Variants in ATP10A observed in about 807,000 individuals in gnomAD.
ATP10A encodes ATPase phospholipid transporting 10A (putative), also known as phospholipid-transporting ATPase VA.
In ATP10A, 111 loss-of-function variants were observed where a neutral mutation model predicts 147.8. The observed-to-expected ratio is 0.75, with a 90% confidence interval of 0.64 to 0.88. ATP10A has a LOEUF of 0.88. Ranked by LOEUF, ATP10A falls within the 40% of genes least tolerant of loss-of-function variation. The pLI is 0.00. For synonymous variants in ATP10A, 875 were observed against 841.6 expected (o/e 1.04, Z -0.69); for missense variants, 1,927 against 1,959.0 (o/e 0.98, Z 0.31).
chr15:25,713,693 G>T lies in ATP10A; in HGVS notation c.2325C>A (p.Leu775=), dbSNP rs182835862. 11 of 1,613,904 alleles carry T rather than the reference G, an allele frequency of 6.8e-6. No individual in the cohort carries two copies. In the South Asian group the frequency reaches 1.2e-4, roughly 18 times the overall value. Residue 775 remains leucine (L), a synonymous_variant, in exon 10 of 21, where the codon CTC becomes CTA. Coordinates refer to ENST00000555815, the MANE Select transcript of ATP10A (RefSeq NM_024490.4). Reference sequence around the variant, plus strand: ...GAGTACCTGAAGAGCAGGGCTGCAGGAGATCCATGACCACTGAGTCGGCCC... The same window carrying T: ...GAGTACCTGAAGAGCAGGGCTGCAGTAGATCCATGACCACTGAGTCGGCCC... ...TKGADSVVMD[L]LQPCSSVDAR... is the part of the protein sequence containing the mutation.
At chr15:25,833,698 C>T (rs1018392632) in intron 1 of ATP10A, among the ~76,000 whole-genome samples, 8 of 152,206 alleles carry the variant, frequency 5.3e-5, no homozygotes, top group African/African-American at 1.9e-4. Flanking sequence ...AATCTACTCT[C>T]AGCCGGGTGC....
intron 1 of ATP10A, among the ~76,000 whole-genome samples, chr15:25,828,727 T>C (rs906920108): frequency 6.6e-6 from 1 of 152,182 alleles, no homozygotes; most frequent in African/African-American, 2.4e-5. Context: ...AACCAGAAAG[T>C]ATCTTAAAAT....
At chr15:25,777,895 A>C (rs2140692045) in intron 2 of ATP10A, among the ~76,000 whole-genome samples, 1 of 150,582 alleles carries the variant, frequency 6.6e-6, no homozygotes, top group East Asian at 2.0e-4. Flanking sequence ...TATGGGCGTG[A>C]GCCACTGTTC....
intron 2 of ATP10A, among the ~76,000 whole-genome samples, chr15:25,762,083 T>C (rs191598606): frequency 0.019 from 2,835 of 152,248 alleles, 62 homozygotes; most frequent in African/African-American, 0.058. Context: ...GCTGTTCTCG[T>C]GACAGTGAGT....
intron 9 of ATP10A, among the ~76,000 whole-genome samples, chr15:25,716,321 C>T (rs1027023311): frequency 1.5e-4 from 23 of 150,908 alleles, no homozygotes; most frequent in Non-Finnish European, 3.0e-4. Context: ...CCCTGAGGCT[C>T]GGGGAGGTTG....
rs1488069619 is a variant in ATP10A at position 25,747,920 on chromosome 15, A to T, written c.655-11779T>A. ...TATACTAAAACACAATAAACATATT[A>T]AAAAACACAAAAGTACAAGTCTATC... On this transcript the variant is annotated intron_variant, in intron 2 of 20. Coordinates refer to ENST00000555815, the MANE Select transcript of ATP10A (RefSeq NM_024490.4). Among the ~76,000 whole-genome samples the T allele has an allele frequency of 3.9e-5, 6 of 152,200 alleles. No individual in the cohort carries two copies. In the South Asian group the frequency reaches 1.0e-3, roughly 26 times the overall value.
chr15:25,797,918 A>G (rs976698197), intron 1 of ATP10A, among the ~76,000 whole-genome samples: 3 of 152,198 alleles, frequency 2.0e-5, no homozygotes, highest in African/African-American at 7.2e-5. Flanking sequence ...GATTAAACTG[A>G]AAGTGTGTTA....
In ATP10A at chr15:25,855,069, A is replaced by AAAG. The variant is rs567103808; in HGVS notation, c.449+7578_449+7579insCTT. Among the ~76,000 whole-genome samples the AAAG allele has an allele frequency of 1.1e-4, 16 of 151,694 alleles. No homozygotes were observed. In the East Asian group the frequency reaches 2.2e-3, roughly 21 times the overall value. ...AGTGAAACTCCGTCTCACAAAAAAA[A>AAAG]AAAAAAAACAGAAAAAAAGAAAATA... On this transcript the variant is annotated intron_variant, in intron 1 of 20. Coordinates refer to ENST00000555815, the MANE Select transcript of ATP10A (RefSeq NM_024490.4).
intron 2 of ATP10A, among the ~76,000 whole-genome samples, chr15:25,773,848 A>G (rs1253547813): frequency 6.7e-6 from 1 of 150,200 alleles, no homozygotes; most frequent in Admixed American, 6.6e-5. Flanking sequence ...ACACACACAC[A>G]CACATATTCA....
At position 25,683,396 on chromosome 15, in the gene ATP10A, G is replaced by A. The variant is rs76678653; in HGVS notation, c.3382C>T (p.Leu1128=). Reference sequence around the variant, plus strand: ...AGCGGGGGAAGTGACGAGAAGAGCAGATTAAAGAAGATTAGATACCACTGG... The same window carrying A: ...AGCGGGGGAAGTGACGAGAAGAGCAAATTAAAGAAGATTAGATACCACTGG... ...IDQWYLIFFN[L]LFSSLPPLVT... is the part of the protein sequence containing the mutation. Residue 1128 remains leucine, a synonymous_variant, in exon 17 of 21, where the codon CTG becomes TTG. Coordinates refer to ENST00000555815, the MANE Select transcript of ATP10A (RefSeq NM_024490.4). 3.7e-4 allele frequency: 595 copies of A among 1,614,104 alleles called. 3 individuals carry two copies. In the African/African-American group the frequency reaches 7.0e-3, roughly 19 times the overall value.
chr15:25,852,575 C>T (rs1893344561), intron 1 of ATP10A, among the ~76,000 whole-genome samples: 1 of 152,112 alleles, frequency 6.6e-6, no homozygotes, highest in South Asian at 2.1e-4. Flanking sequence ...GTTCCCTTCT[C>T]TCCCTAAACC....
chr15:25,752,019 G>A (rs1357017535), intron 2 of ATP10A, among the ~76,000 whole-genome samples: 2 of 152,150 alleles, frequency 1.3e-5, no homozygotes, highest in African/African-American at 2.4e-5. Context: ...GATATCAAAT[G>A]TTGATGAGGA....
At chr15:25,720,740 G>A (rs1258686249) in intron 7 of ATP10A, among the ~76,000 whole-genome samples, 1 of 152,162 alleles carries the variant, frequency 6.6e-6, no homozygotes, top group African/African-American at 2.4e-5. Flanking sequence ...TCTGCCTTCT[G>A]TTTACTATGA....
intron 1 of ATP10A, among the ~76,000 whole-genome samples, chr15:25,859,142 C>A (rs1377320255): frequency 6.6e-6 from 1 of 152,212 alleles, no homozygotes; most frequent in Non-Finnish European, 1.5e-5. Context: ...GCCCGCCACT[C>A]TCCCAGCCTG....
intron 1 of ATP10A, among the ~76,000 whole-genome samples, chr15:25,831,528 T>C (rs1442722452): frequency 6.6e-6 from 1 of 152,214 alleles, no homozygotes; most frequent in Non-Finnish European, 1.5e-5. Context: ...AATATCCTCA[T>C]AATTCTTGGC....
At chr15:25,804,493 CTGTG>C (rs375993151) in intron 1 of ATP10A, among the ~76,000 whole-genome samples, 3 of 150,942 alleles carry the variant, frequency 2.0e-5, no homozygotes, top group Admixed American at 6.6e-5. Context: ...TGGTGTGTGT[CTGTG>C]TGTGTGTGAC....
At chr15:25,721,543 CGTGTGTGTGTGTGTGTGTGTGTGTGTGT>C in intron 7 of ATP10A, 86 bp downstream of exon 7, 29 of 748,308 alleles carry the variant, frequency 3.9e-5, no homozygotes, top group Non-Finnish European at 5.6e-5. Flanking sequence ...ATCCCTGAAG[CGTGTGTGTGTGTGTGTGTGTGTGTGTGT>C]GTGTGTGTGT....
In ATP10A at chr15:25,764,305, G is replaced by C. The variant is rs141294691; in HGVS notation, c.654+16714C>G. 7.3e-4 allele frequency among the ~76,000 whole-genome samples: 111 copies of C among 152,322 alleles called. 2 individuals carry two copies. The East Asian group carries it at 0.02, about 28-fold the overall frequency. Reference sequence around the variant, plus strand: ...AGGACTCAGGATGTTCCCTGCTACAGATGGCAGGTTTGAGTCCCCCAAAAT... The same window carrying C: ...AGGACTCAGGATGTTCCCTGCTACACATGGCAGGTTTGAGTCCCCCAAAAT... On this transcript the variant is annotated intron_variant, in intron 2 of 20. Coordinates refer to ENST00000555815, the MANE Select transcript of ATP10A (RefSeq NM_024490.4).
chr15:25,768,683 A>ATTTTTTTTTTTT (rs143608940), intron 2 of ATP10A, among the ~76,000 whole-genome samples: 1 of 89,644 alleles, frequency 1.1e-5, no homozygotes, highest in African/African-American at 4.6e-5. Context: ...AGCTGGGCTA[A>ATTTTTTTTTTTT]TTTTTTTTTT....
Sources: gnomAD v4.1 joint callset for allele counts (sites outside exome capture counted in the v4.1 genomes callset) on GRCh38, gnomAD v4.1.1 for gene constraint, MANE v1.5 for transcripts, NCBI Gene and HGNC (gene_info 2026-07-23, HGNC 2026-07-21) for gene names.